EPM2A: variants seen among roughly 807,000 people sequenced by gnomAD.
EPM2A encodes the protein EPM2A glucan phosphatase, laforin.
EPM2A carries 21 observed loss-of-function variants against 26.5 expected under a neutral mutation model. The observed-to-expected ratio is 0.79, with a 90% CI of 0.56 to 1.14. EPM2A has a LOEUF of 1.14. Ranked by LOEUF, EPM2A falls within the 50% of genes most tolerant of loss-of-function variation. The pLI is 0.00. For synonymous variants in EPM2A, 217 were observed against 177.6 expected (o/e 1.22, Z -1.76); for missense variants, 458 against 440.8 (o/e 1.04, Z -0.35).
At chr6:145,634,906 C>A (rs574271755) in intron 3 of EPM2A, among the ~76,000 whole-genome samples, 1 of 152,226 alleles carries the variant, frequency 6.6e-6, no homozygotes, top group South Asian at 2.1e-4. Context: ...TATTTTTAGT[C>A]ATTTGATTAA....
chr6:145,584,274 A>T (rs1400377090), intron 2 of EPM2A, among the ~76,000 whole-genome samples: 2 of 152,106 alleles, frequency 1.3e-5, no homozygotes, highest in Admixed American at 1.3e-4. Context: ...GTGGTCTGCC[A>T]GCAAAGGAGG....
intron 4 of EPM2A, among the ~76,000 whole-genome samples, chr6:145,392,584 A>G (rs1778352253): frequency 6.6e-6 from 1 of 152,088 alleles, no homozygotes; most frequent in East Asian, 1.9e-4. Flanking sequence ...AAGTTGCTCA[A>G]ATTACAGGGG....
intron 4 of EPM2A, among the ~76,000 whole-genome samples, chr6:145,440,591 T>C (rs1779049034): frequency 6.6e-6 from 1 of 152,124 alleles, no homozygotes; most frequent in Admixed American, 6.5e-5. Context: ...GCCTGTAAAA[T>C]CAAAAGCCAG....
chr6:145,650,279 G>A (rs749369380), intron 2 of EPM2A, among the ~76,000 whole-genome samples: 1 of 152,026 alleles, frequency 6.6e-6, no homozygotes, highest in East Asian at 1.9e-4. Flanking sequence ...GACCGGGTGC[G>A]GTGGCTCACA....
chr6:145,702,284 C>A (rs1363561887), intron 1 of EPM2A, among the ~76,000 whole-genome samples: 1 of 152,068 alleles, frequency 6.6e-6, no homozygotes, highest in Admixed American at 6.6e-5. Context: ...GAGTGACCAC[C>A]CTCTGTCGAA....
Position 145,491,104 on chromosome 6 carries a change from T to C in EPM2A, c.555+11418A>G, listed in dbSNP as rs996609824. On this transcript the variant is annotated intron_variant, in intron 4 of 4. Coordinates refer to the EPM2A transcript ENST00000638717. ...GAAGTTGCTGCAATCTTCCTTTTAT[T>C]TGGCCACCTTTTTTCTTGTGGTATT... 3 of 623,646 alleles carry C rather than the reference T, an allele frequency of 4.8e-6. No individual in the cohort carries two copies. The African/African-American group carries it at 5.5e-5, about 12-fold the overall frequency. 38.6% of individuals were successfully genotyped at this position (623,646 alleles called of 1,614,324 possible).
exon 5 of EPM2A, chr6:145,383,761 A>G (rs746896792): frequency 1.3e-5 from 2 of 152,184 alleles, no homozygotes; most frequent in Non-Finnish European, 2.9e-5. Context: ...ATAAAAACAT[A>G]AGACACAAGA....
At chr6:145,729,881 T>A (rs1218747251) in intron 1 of EPM2A, among the ~76,000 whole-genome samples, 2 of 152,204 alleles carry the variant, frequency 1.3e-5, no homozygotes, top group African/African-American at 2.4e-5. Flanking sequence ...ATGTCTGAAT[T>A]ATAATTCCTA....
In EPM2A at chr6:145,625,690, T is replaced by C; in HGVS notation, c.*1726A>G. 1.3e-6 allele frequency: 1 copy of C among 778,042 alleles called. No homozygotes were observed. Among genetic ancestry groups the C allele is most frequent in the Non-Finnish European group, 2.4e-6 (1 of 422,622 alleles). 48.2% of individuals were successfully genotyped at this position (778,042 alleles called of 1,614,324 possible). A position where few individuals can be genotyped will look rare whatever the true frequency, so the allele number is the denominator to read the frequency against. Reference sequence around the variant, plus strand: ...ATGCTAGCTTATAAATTTAACTTTGTAAAATTATAGTGGAAATGTGTCCTG... The same window carrying C: ...ATGCTAGCTTATAAATTTAACTTTGCAAAATTATAGTGGAAATGTGTCCTG... On this transcript the variant is annotated 3_prime_UTR_variant, in exon 4 of 4. Coordinates refer to ENST00000367519, the MANE Select transcript of EPM2A (RefSeq NM_005670.4).
At chr6:145,624,817 C>T (rs1394736890), downstream of EPM2A, among the ~76,000 whole-genome samples, 2 of 152,274 alleles carry the variant, frequency 1.3e-5, no homozygotes, top group East Asian at 3.9e-4. Flanking sequence ...TTATTTCTTA[C>T]ACCAAGCCAA....
At chr6:145,612,814 T>C (rs991925192) in intron 2 of EPM2A, among the ~76,000 whole-genome samples, 4 of 151,272 alleles carry the variant, frequency 2.6e-5, no homozygotes, top group African/African-American at 9.7e-5. Context: ...ATGCTGATAA[T>C]CATCTGACCT....
chr6:145,558,242 TG>T (rs370432237), intron 2 of EPM2A, among the ~76,000 whole-genome samples: 9 of 152,144 alleles, frequency 5.9e-5, no homozygotes, highest in African/African-American at 1.7e-4. Flanking sequence ...GAGAACAGTT[TG>T]GGGGCATGAT....
chr6:145,490,303 C>T (rs1779738035), intron 4 of EPM2A: 3 of 1,463,678 alleles, frequency 2.0e-6, no homozygotes, highest in African/African-American at 2.8e-5. Context: ...TGAACTGGTC[C>T]CAGCTGTTAA....
chr6:145,574,553 T>A (rs752066312), intron 2 of EPM2A, among the ~76,000 whole-genome samples: 2 of 152,174 alleles, frequency 1.3e-5, no homozygotes, highest in African/African-American at 2.4e-5. Flanking sequence ...CTCACAAATC[T>A]ATTTCACAAG....
intron 2 of EPM2A, among the ~76,000 whole-genome samples, chr6:145,608,281 T>C (rs1775311670): frequency 6.6e-6 from 1 of 152,188 alleles, no homozygotes; most frequent in Non-Finnish European, 1.5e-5. Context: ...ATAGGATGTA[T>C]AGGAAAAAAG....
chr6:145,617,296 T>C (rs1775534721), intron 2 of EPM2A, among the ~76,000 whole-genome samples: 1 of 152,190 alleles, frequency 6.6e-6, no homozygotes, highest in Non-Finnish European at 1.5e-5. Flanking sequence ...CCTTCCAGCA[T>C]GATTATGAGG....
At chr6:145,606,156 C>T (rs926590948) in intron 2 of EPM2A, among the ~76,000 whole-genome samples, 1 of 151,976 alleles carries the variant, frequency 6.6e-6, no homozygotes, top group Non-Finnish European at 1.5e-5. Context: ...TTTTACTCCA[C>T]ATGAAGGAAA....
At chr6:145,551,034 T>G (rs1365381449) in intron 2 of EPM2A, among the ~76,000 whole-genome samples, 1 of 152,052 alleles carries the variant, frequency 6.6e-6, no homozygotes, top group Non-Finnish European at 1.5e-5. Flanking sequence ...TGCACAGAAT[T>G]CCAGAATTCC....
chr6:145,502,376 T>C (rs761389584), intron 3 of EPM2A: 23 of 351,418 alleles, frequency 6.5e-5, no homozygotes, highest in Non-Finnish European at 1.3e-4. Context: ...CCAGAATTCC[T>C]TGCTTCTGCA....
Sources: gnomAD v4.1 joint callset for allele counts (sites outside exome capture counted in the v4.1 genomes callset) on GRCh38, gnomAD v4.1.1 for gene constraint, MANE v1.5 for transcripts, NCBI Gene and HGNC (gene_info 2026-07-23, HGNC 2026-07-21) for gene names.